The following WDFY4 variants were observed in gnomAD, a reference collection of about 807,000 sequenced individuals.
WDFY4 encodes the protein WD repeat- and FYVE domain-containing protein 4.
WDFY4 carries 169 observed loss-of-function variants against 351.9 expected under a neutral mutation model. That is an observed-to-expected ratio of 0.48 (90% CI 0.42 to 0.55). The LOEUF (loss-of-function observed/expected upper bound fraction) is 0.55. WDFY4 is among the 20% of genes least tolerant of loss of function. WDFY4 has a pLI of 0.00. For synonymous variants in WDFY4, 1,622 were observed against 1,574.6 expected (o/e 1.03, Z -0.71); for missense variants, 3,803 against 3,935.6 (o/e 0.97, Z 0.90).
chr10:48,718,664 T>G, intron 2 of WDFY4, among the ~76,000 whole-genome samples: 1 of 152,168 alleles, frequency 6.6e-6, no homozygotes. Flanking sequence ...CCTAGGGCAG[T>G]CCCTCCACTC....
intron 56 of WDFY4, 88 bp downstream of exon 56, chr10:48,969,336 C>T: frequency 6.9e-7 from 1 of 1,444,580 alleles, no homozygotes; most frequent in Non-Finnish European, 9.3e-7. Flanking sequence ...TAAGTGAGTC[C>T]AAAGCAACCT....
chr10:48,865,873 T>A lies in WDFY4; in HGVS notation c.6664-1392T>A, dbSNP rs201097672. Among the ~76,000 whole-genome samples the A allele has an allele frequency of 6.1e-4, 93 of 152,288 alleles. No homozygotes were observed. The East Asian group carries it at 0.015, about 24-fold the overall frequency. On this transcript the variant is annotated intron_variant, in intron 39 of 61. Coordinates refer to ENST00000325239, the MANE Select transcript of WDFY4 (RefSeq NM_001394531.1). Reference sequence around the variant, plus strand: ...TATTTAATTTATTGGCATACAATTGTTTATAGTATTTTTTTATAATCTTTT... The same window carrying A: ...TATTTAATTTATTGGCATACAATTGATTATAGTATTTTTTTATAATCTTTT...
At chr10:48,926,467 C>T (rs1190974182) in intron 47 of WDFY4, among the ~76,000 whole-genome samples, 1 of 152,170 alleles carries the variant, frequency 6.6e-6, no homozygotes, top group Non-Finnish European at 1.5e-5. Context: ...CCAGCCAACG[C>T]AACAGATTGA....
chr10:48,794,569 G>A (rs1408255145), intron 23 of WDFY4, among the ~76,000 whole-genome samples: 1 of 152,166 alleles, frequency 6.6e-6, no homozygotes, highest in Non-Finnish European at 1.5e-5. Context: ...AAGCTGTACA[G>A]AGAGAAGAAG....
intron 19 of WDFY4, among the ~76,000 whole-genome samples, chr10:48,781,633 G>A (rs1334109767): frequency 6.6e-6 from 1 of 152,092 alleles, no homozygotes; most frequent in Non-Finnish European, 1.5e-5. Flanking sequence ...GAAAGAACAG[G>A]TCCTTCAAAA....
At chr10:48,947,689 TTTCCCCTC>T (rs1387371619) in intron 51 of WDFY4, among the ~76,000 whole-genome samples, 1 of 152,170 alleles carries the variant, frequency 6.6e-6, no homozygotes, top group Non-Finnish European at 1.5e-5. Context: ...GAGAAGTTCC[TTTCCCCTC>T]TTCCCCTCAC....
At chr10:48,842,666 T>C (rs917512322) in intron 39 of WDFY4, among the ~76,000 whole-genome samples, 10 of 152,224 alleles carry the variant, frequency 6.6e-5, no homozygotes, top group African/African-American at 2.2e-4. Context: ...TGATAAAAAT[T>C]TCCTGTACCA....
In WDFY4 at chr10:48,978,309, G is replaced by A. The variant is rs892708297; in HGVS notation, c.9292G>A (p.Val3098Ile). 6.4e-7 allele frequency: 1 copy of A among 1,551,208 alleles called. No homozygotes were observed. Among genetic ancestry groups the A allele is most frequent in the South Asian group, 1.2e-5 (1 of 83,994 alleles). ...GATGACATTTGCTCTTTTGGGGCAG[G>A]TTTGGAAGACTGAGGATGTGAAGAT... Reference protein sequence around the residue: ...ITGSQDGMVRVWKTEDVKMSV... With the variant: ...ITGSQDGMVRIWKTEDVKMSV... The change falls in exon 60 of 62, where the codon GTT becomes ATT. Residue 3098 changes from valine to isoleucine, a missense_variant and splice_region_variant. Around this residue, in one of 3 missense-constraint regions of WDFY4, gnomAD observed 3,054 missense variants for 3,148.6 expected, o/e 0.97. Transcript: ENST00000325239.
chr10:48,897,479 C>T lies in WDFY4; in HGVS notation c.7342C>T (p.Leu2448=), dbSNP rs1248465757. ...CATCAGCGATCCGTTCATTTTCAACCTGTGCAGCAAAGACAGGTCCACTGA... is the reference window on the plus strand; with the variant it reads ...CATCAGCGATCCGTTCATTTTCAACTTGTGCAGCAAAGACAGGTCCACTGA... ...SNISDPFIFN[L]CSKDRSTDHY... The change falls in exon 45 of 62, where the codon CTG becomes TTG. Residue 2448 remains leucine (L), a synonymous_variant. Transcript: ENST00000325239. The T allele has an allele frequency of 5.8e-6, 9 of 1,551,734 alleles. No individual in the cohort carries two copies. The South Asian group carries it at 5.9e-5, about 10-fold the overall frequency.
At chr10:48,787,949 TTCTTCTTC>T (rs2066527262) in intron 20 of WDFY4, among the ~76,000 whole-genome samples, 2 of 110,484 alleles carry the variant, frequency 1.8e-5, no homozygotes, top group Non-Finnish European at 3.6e-5. Context: ...CTTCTTCTTC[TTCTTCTTC>T]TTCTTCTTCT....
At position 48,982,681 on chromosome 10, in the gene WDFY4, TC is replaced by T; in HGVS notation, c.*110del. ...ACAGAAGAAACCCCCAGGGCCTCCT[TC>T]CCCACAGTTCTCAAGGAAGGGCCTC... On this transcript the variant is annotated 3_prime_UTR_variant, in exon 62 of 62. Transcript: ENST00000325239. 1.7e-6 allele frequency: 2 copies of T among 1,145,224 alleles called. No individual in the cohort carries two copies. The highest frequency in any genetic ancestry group is 1.3e-5 in the South Asian group (1 of 75,708). The allele number at this position is 1,145,224 out of a possible 1,614,324, so 70.9% of individuals were successfully genotyped here.
chr10:48,688,586 C>G (rs2063115067), intron 1 of WDFY4, among the ~76,000 whole-genome samples: 1 of 151,992 alleles, frequency 6.6e-6, no homozygotes, highest in African/African-American at 2.4e-5. Flanking sequence ...CATTTTTGGA[C>G]TGTTGCTATT....
chr10:48,772,189 C>T (rs929930818), intron 13 of WDFY4, among the ~76,000 whole-genome samples: 6 of 152,040 alleles, frequency 3.9e-5, no homozygotes, highest in East Asian at 1.9e-4. Context: ...TGAGGGAAGC[C>T]GGGCAGGGAA....
At chr10:48,815,212 A>G (rs1292172033) in intron 31 of WDFY4, among the ~76,000 whole-genome samples, 1 of 152,142 alleles carries the variant, frequency 6.6e-6, no homozygotes, top group African/African-American at 2.4e-5. Context: ...GTTCAGAAGG[A>G]CTCAGCCCCA....
At chr10:48,805,601 G>T (rs1002979844) in intron 26 of WDFY4, among the ~76,000 whole-genome samples, 180 bp downstream of exon 26, 6 of 152,218 alleles carry the variant, frequency 3.9e-5, no homozygotes, top group African/African-American at 1.4e-4. Context: ...GATGGGACAG[G>T]CCGGTTTCCC....
At chr10:48,853,145 CT>C (rs1297282043) in intron 39 of WDFY4, among the ~76,000 whole-genome samples, 3 of 152,082 alleles carry the variant, frequency 2.0e-5, no homozygotes, top group Admixed American at 1.3e-4. Context: ...CTAAATTTTG[CT>C]GGTATTCTCC....
chr10:48,951,016 A>G (rs1841296535), intron 51 of WDFY4, among the ~76,000 whole-genome samples: 1 of 152,204 alleles, frequency 6.6e-6, no homozygotes, highest in Admixed American at 6.5e-5. Flanking sequence ...ACTGTGGCCC[A>G]TTTACCCTGC....
chr10:48,864,875 G>C (rs1455277123), intron 39 of WDFY4, among the ~76,000 whole-genome samples: 1 of 152,084 alleles, frequency 6.6e-6, no homozygotes, highest in Non-Finnish European at 1.5e-5. Context: ...GTTTATTAGT[G>C]GTGGATAGGA....
At chr10:48,930,646 CT>C (rs1839938446) in intron 47 of WDFY4, among the ~76,000 whole-genome samples, 1 of 152,048 alleles carries the variant, frequency 6.6e-6, no homozygotes, top group Non-Finnish European at 1.5e-5. Context: ...AAGAACAAGA[CT>C]TTTGATAGAA....
Sources: gnomAD v4.1 joint callset for allele counts (sites outside exome capture counted in the v4.1 genomes callset) on GRCh38, gnomAD v4.1.1 for gene constraint, gnomAD v4.1.1 regional missense constraint, MANE v1.5 for transcripts, NCBI Gene and HGNC (gene_info 2026-07-23, HGNC 2026-07-21) for gene names.